The following POLB variants were observed in gnomAD, a reference collection of about 807,000 sequenced individuals.
POLB encodes the protein DNA polymerase beta.
In POLB, 37 loss-of-function variants were observed where a neutral mutation model predicts 52.7. The observed-to-expected ratio is 0.70, with a 90% confidence interval of 0.54 to 0.92. The LOEUF (loss-of-function observed/expected upper bound fraction) is 0.92, where lower values mean the gene tolerates loss of function less well. POLB is among the 40% of genes least tolerant of loss of function. The pLI is 0.00. For synonymous variants in POLB, 138 were observed against 131.3 expected (o/e 1.05, Z -0.35); for missense variants, 313 against 400.8 (o/e 0.78, Z 1.87).
At chr8:42,356,803 G>A (rs921841572) in intron 7 of POLB, among the ~76,000 whole-genome samples, 2 of 152,100 alleles carry the variant, frequency 1.3e-5, no homozygotes, top group African/African-American at 2.4e-5. Flanking sequence ...ATATAAGAGC[G>A]GTAAACTGTA....
chr8:42,345,157 C>A, intron 3 of POLB, 138 bp downstream of exon 3: 1 of 637,180 alleles, frequency 1.6e-6, no homozygotes, highest in Non-Finnish European at 2.9e-6. Flanking sequence ...CTTGGAATAA[C>A]ATTCATGCTG....
At chr8:42,347,472 T>G (rs1185797339) in intron 3 of POLB, among the ~76,000 whole-genome samples, 1 of 151,784 alleles carries the variant, frequency 6.6e-6, no homozygotes, top group African/African-American at 2.4e-5. Context: ...AATCTATTCC[T>G]TCTTAGTAAC....
At position 42,368,715 on chromosome 8, in the gene POLB, C is replaced by T. The variant is rs558923967; in HGVS notation, c.709-556C>T. ...CTGATCTCATATTTTTCTTATTTTC[C>T]GTGTCTTTCTCCCTTCTAGTGTCTG... On this transcript the variant is annotated intron_variant, in intron 11 of 13. Coordinates refer to ENST00000265421, the MANE Select transcript of POLB (RefSeq NM_002690.3). 1.2e-4 allele frequency among the ~76,000 whole-genome samples: 19 copies of T among 152,144 alleles called. 1 individual carries two copies. In the South Asian group the frequency reaches 3.5e-3, roughly 28 times the overall value.
At chr8:42,342,561 A>G (rs971640056) in intron 2 of POLB, 1 of 738,404 alleles carries the variant, frequency 1.4e-6, no homozygotes, top group African/African-American at 1.7e-5. Context: ...CAGTTTTACC[A>G]TCTTGTCATC....
intron 11 of POLB, among the ~76,000 whole-genome samples, chr8:42,366,753 A>G (rs561617213): frequency 1.3e-5 from 2 of 152,292 alleles, no homozygotes; most frequent in African/African-American, 4.8e-5. Flanking sequence ...GGGAAGGTGG[A>G]TTTACTTCTA....
chr8:42,348,968 G>T, intron 3 of POLB, 48 bp from the exon 4 acceptor site: 3 of 972,820 alleles, frequency 3.1e-6, no homozygotes, highest in South Asian at 1.5e-5. Context: ...TAGTGATTTG[G>T]TAAGCATTAT....
At chr8:42,369,394 C>A in intron 12 of POLB, 59 bp downstream of exon 12, 1 of 983,936 alleles carries the variant, frequency 1.0e-6, no homozygotes, top group Non-Finnish European at 1.6e-6. Context: ...TCGTTTTCTC[C>A]CTCCCTGTTT....
chr8:42,358,265 G>A lies in POLB; in HGVS notation c.550+873G>A, dbSNP rs182525912. 3.4e-3 allele frequency among the ~76,000 whole-genome samples: 517 copies of A among 152,162 alleles called. 5 individuals carry two copies. Among genetic ancestry groups the A allele is most frequent in the African/African-American group, 0.012 (489 of 41,542 alleles). On this transcript the variant is annotated intron_variant, in intron 9 of 13. Coordinates refer to ENST00000265421, the MANE Select transcript of POLB (RefSeq NM_002690.3). ...CGCCTATAATCCCAGCACTTTGGGA[G>A]GCCGAGCCGGGCGGATCACAAGGTC...
intron 2 of POLB, 161 bp downstream of exon 2, chr8:42,339,230 G>A (rs1296528946): frequency 7.5e-6 from 5 of 664,564 alleles, no homozygotes; most frequent in Non-Finnish European, 1.1e-5. Context: ...AAGAATGTGG[G>A]CAGTGCGTTA....
chr8:42,357,334 T>G lies in POLB; in HGVS notation c.492T>G (p.Asn164Lys). 1 of 1,565,272 alleles carries G rather than the reference T, an allele frequency of 6.4e-7. No homozygotes were observed. The highest frequency in any genetic ancestry group is 8.8e-7 in the Non-Finnish European group (1 of 1,135,934). Reference protein sequence around the residue: ...EMLQMQDIVLNEVKKVDSEYI... With the variant: ...EMLQMQDIVLKEVKKVDSEYI... ...TCTTCTATTAGGATATTGTACTAAA[T>G]GAAGTTAAAAAAGTGGATTCTGAAT... Residue 164 changes from asparagine (N) to lysine (K), a missense_variant, in exon 9 of 14, where the codon AAT becomes AAG. Physicochemically the swap from Asn to Lys is moderately conservative, Grantham distance 94 (BLOSUM62 0). Around this residue, in one of 3 missense-constraint regions of POLB, gnomAD observed 246 missense variants for 297.6 expected, o/e 0.83. Transcript: ENST00000265421.
chr8:42,353,248 A>G (rs1450367612), intron 6 of POLB, among the ~76,000 whole-genome samples: 1 of 145,894 alleles, frequency 6.9e-6, no homozygotes, highest in Non-Finnish European at 1.5e-5. Context: ...ATCTGGGACT[A>G]CAGGCTCCCA....
At chr8:42,361,965 T>C (rs1013473977) in intron 10 of POLB, among the ~76,000 whole-genome samples, 5 of 152,132 alleles carry the variant, frequency 3.3e-5, no homozygotes, top group African/African-American at 1.2e-4. Context: ...CTCAGAACAT[T>C]AGAAAACATA....
In POLB at chr8:42,344,250, C is replaced by G. The variant is rs184991545; in HGVS notation, c.120-703C>G. On this transcript the variant is annotated intron_variant, in intron 2 of 13. Transcript: ENST00000265421. ...TTGGGAGGCTGAGGCGGGTGGATCA[C>G]CTGAGGTCAGAGTTTGAGACCAGCC... 3.4e-3 allele frequency among the ~76,000 whole-genome samples: 514 copies of G among 150,650 alleles called. 5 individuals are homozygous for G. Among genetic ancestry groups the G allele is most frequent in the African/African-American group, 0.012 (485 of 40,982 alleles).
chr8:42,345,527 A>G (rs932600899), intron 3 of POLB, among the ~76,000 whole-genome samples: 1 of 152,222 alleles, frequency 6.6e-6, no homozygotes, highest in Non-Finnish European at 1.5e-5. Flanking sequence ...CACAGTTTCT[A>G]GAGGGTCACA....
intron 6 of POLB, among the ~76,000 whole-genome samples, chr8:42,354,985 A>C (rs1052610462): frequency 1.3e-5 from 2 of 152,210 alleles, no homozygotes; most frequent in African/African-American, 4.8e-5. Context: ...TGCTCTTAAC[A>C]ATAAATTAAA....
chr8:42,340,628 G>A (rs1336994992), intron 2 of POLB, among the ~76,000 whole-genome samples: 1 of 152,098 alleles, frequency 6.6e-6, no homozygotes, highest in Non-Finnish European at 1.5e-5. Context: ...AGTTTCCCTG[G>A]CAATCTTGCC....
At chr8:42,348,349 A>G (rs915788533) in intron 3 of POLB, among the ~76,000 whole-genome samples, 2 of 152,218 alleles carry the variant, frequency 1.3e-5, no homozygotes, top group African/African-American at 4.8e-5. Flanking sequence ...ACATTTGGCC[A>G]TTGAGTTCTT....
At chr8:42,357,445 A>G (rs1823389867) in intron 9 of POLB, 53 bp downstream of exon 9, 2 of 899,032 alleles carry the variant, frequency 2.2e-6, no homozygotes, top group Non-Finnish European at 3.7e-6. Context: ...AAAATTGCCT[A>G]ATATATGGGA....
At position 42,368,552 on chromosome 8, in the gene POLB, G is replaced by A. The variant is rs1230929257; in HGVS notation, c.709-719G>A. Among the ~76,000 whole-genome samples, 9 of 152,266 alleles carry A rather than the reference G, an allele frequency of 5.9e-5. No individual in the cohort carries two copies. The East Asian group carries it at 7.7e-4, about 13-fold the overall frequency. ...TATATCTTGTTTTACATATGTATGG[G>A]TTGCTGACCAGTCCAGATTTTTTGT... On this transcript the variant is annotated intron_variant, in intron 11 of 13. Coordinates refer to ENST00000265421, the MANE Select transcript of POLB (RefSeq NM_002690.3).
Sources: gnomAD v4.1 joint callset for allele counts (sites outside exome capture counted in the v4.1 genomes callset) on GRCh38, gnomAD v4.1.1 for gene constraint, gnomAD v4.1.1 regional missense constraint, MANE v1.5 for transcripts, NCBI Gene and HGNC (gene_info 2026-07-23, HGNC 2026-07-21) for gene names.